EXOC4: variants seen among roughly 807,000 people sequenced by gnomAD.
The protein encoded by EXOC4 is exocyst complex component 4.
Under a neutral mutation model 107.2 loss-of-function variants are expected in EXOC4, and 71 were observed. That is an observed-to-expected ratio of 0.66 (90% confidence interval 0.55 to 0.81). The LOEUF is 0.81. EXOC4 is among the 30% of genes least tolerant of loss of function. The pLI, the probability that EXOC4 is intolerant of heterozygous loss-of-function variation, is 0.00. For synonymous variants in EXOC4, 456 were observed against 441.2 expected, an observed-to-expected ratio of 1.03 and a Z score of -0.42; for missense variants, 1,108 against 1,189.6, an observed-to-expected ratio of 0.93 and a Z score of 1.01.
intron 7 of EXOC4, among the ~76,000 whole-genome samples, chr7:133,384,686 G>A (rs1467217162): frequency 1.3e-5 from 2 of 150,340 alleles, no homozygotes; most frequent in South Asian, 2.1e-4. Flanking sequence ...TTAGAGCAAA[G>A]GTAATTACAT....
chr7:133,870,481 A>G (rs894294659), intron 11 of EXOC4, among the ~76,000 whole-genome samples: 1 of 152,208 alleles, frequency 6.6e-6, no homozygotes, highest in Admixed American at 6.5e-5. Context: ...AATTTTTCTC[A>G]GTGCTACATC....
At chr7:133,999,604 A>AT (rs1794483781) in intron 15 of EXOC4, among the ~76,000 whole-genome samples, 1 of 152,194 alleles carries the variant, frequency 6.6e-6, no homozygotes, top group Admixed American at 6.5e-5. Context: ...ATGAACAAAT[A>AT]TTTGCAATAG....
At chr7:133,288,900 G>T in intron 2 of EXOC4, 22 bp from the exon 3 acceptor site, 1 of 1,610,964 alleles carries the variant, frequency 6.2e-7, no homozygotes, top group South Asian at 1.1e-5. Flanking sequence ...ACTGACCCAA[G>T]ACCGAATCTG....
chr7:133,275,044 C>G lies in EXOC4; in HGVS notation c.149C>G (p.Ala50Gly). 6.2e-7 allele frequency: 1 copy of G among 1,613,752 alleles called. No individual in the cohort carries two copies. The highest frequency in any genetic ancestry group is 8.5e-7 in the Non-Finnish European group (1 of 1,179,728). The change falls in exon 2 of 18, where the codon GCC becomes GGC. Residue 50 changes from alanine to glycine, a missense_variant. Ala to Gly is a moderately conservative substitution (Grantham distance 60). Transcript: ENST00000253861. ...RENEKGRLEE[A>G]YEKCDRDLDE... ...AATGAAAAGGGTCGCCTTGAAGAAGCCTACGAGAAATGTGACCGTGACCTG... is the reference window on the plus strand; with the variant it reads ...AATGAAAAGGGTCGCCTTGAAGAAGGCTACGAGAAATGTGACCGTGACCTG...
intron 10 of EXOC4, among the ~76,000 whole-genome samples, chr7:133,639,794 C>T (rs1439605268): frequency 6.6e-6 from 1 of 151,904 alleles, no homozygotes; most frequent in East Asian, 1.9e-4. Flanking sequence ...GTAATTTTGA[C>T]AATTGCTATT....
At chr7:133,381,140 G>T (rs1796610963) in intron 7 of EXOC4, among the ~76,000 whole-genome samples, 1 of 151,940 alleles carries the variant, frequency 6.6e-6, no homozygotes, top group African/African-American at 2.4e-5. Flanking sequence ...TGAATAAGAG[G>T]TTCATATAAA....
intron 9 of EXOC4, among the ~76,000 whole-genome samples, chr7:133,608,546 C>CTTT (rs1161155238): frequency 0.016 from 1,373 of 84,956 alleles, 23 homozygotes; most frequent in East Asian, 0.025. Flanking sequence ...TGCTGTATTT[C>CTTT]TTTTTTTTTT....
intron 4 of EXOC4, among the ~76,000 whole-genome samples, chr7:133,307,374 G>C (rs570773667): frequency 7.4e-4 from 113 of 152,276 alleles, no homozygotes; most frequent in African/African-American, 2.5e-3. Context: ...TAGGGGAAGT[G>C]CTAAGGCATT....
chr7:133,739,979 G>A (rs1051703736), intron 10 of EXOC4, among the ~76,000 whole-genome samples: 1 of 152,028 alleles, frequency 6.6e-6, no homozygotes, highest in Non-Finnish European at 1.5e-5. Context: ...TAAGGGTAAA[G>A]GATTCTAATG....
At chr7:133,823,585 C>T (rs925841555) in intron 11 of EXOC4, among the ~76,000 whole-genome samples, 8 of 151,296 alleles carry the variant, frequency 5.3e-5, no homozygotes, top group African/African-American at 1.9e-4. Flanking sequence ...GAGGCCGAGG[C>T]GGATGGATCA....
intron 9 of EXOC4, among the ~76,000 whole-genome samples, chr7:133,526,427 C>T (rs892894357): frequency 6.6e-6 from 1 of 152,090 alleles, no homozygotes; most frequent in African/African-American, 2.4e-5. Context: ...ATCAAATTGG[C>T]TTGCAGAGAA....
At position 133,818,444 on chromosome 7, in the gene EXOC4, C is replaced by G. The variant is rs140864459; in HGVS notation, c.1734+900C>G. 1.7e-3 allele frequency among the ~76,000 whole-genome samples: 264 copies of G among 152,254 alleles called. 2 individuals are homozygous for G. The highest frequency in any genetic ancestry group is 5.9e-3 in the African/African-American group (247 of 41,554). ...CCCTTACCTGCCTTTACATATGTTT[C>G]CCTTGATTTTTCTTTGTATGTTAGA... On this transcript the variant is annotated intron_variant, in intron 11 of 17. Transcript: ENST00000253861.
chr7:133,987,124 A>G (rs1441721293), intron 14 of EXOC4, among the ~76,000 whole-genome samples: 1 of 152,152 alleles, frequency 6.6e-6, no homozygotes, highest in East Asian at 1.9e-4. Context: ...TTAGGAAGGT[A>G]CTATTAATAG....
At chr7:133,755,446 C>T (rs1054938171) in intron 10 of EXOC4, among the ~76,000 whole-genome samples, 4 of 147,096 alleles carry the variant, frequency 2.7e-5, no homozygotes, top group Non-Finnish European at 4.5e-5. Context: ...TGGGTTCAAG[C>T]GATTCTCCTG....
downstream of EXOC4, among the ~76,000 whole-genome samples, chr7:134,069,351 T>TCCTC (rs1563112448): frequency 2.2e-5 from 3 of 133,426 alleles, no homozygotes; most frequent in Non-Finnish European, 4.7e-5. Flanking sequence ...TCCTCCTCCT[T>TCCTC]CTCCTTCTTC....
intron 17 of EXOC4, among the ~76,000 whole-genome samples, chr7:134,029,780 C>A (rs9641962): frequency 0.14 from 21,200 of 152,140 alleles, 1,981 homozygotes; most frequent in East Asian, 0.42. Context: ...GTCAGCCTCC[C>A]AAAGGGTTGG....
rs115182595 is a variant in EXOC4 at position 133,580,354 on chromosome 7, C to T, written c.1418-49691C>T. On this transcript the variant is annotated intron_variant, in intron 9 of 17. Coordinates refer to ENST00000253861, the MANE Select transcript of EXOC4 (RefSeq NM_021807.4). ...CCCTGCTTTTAATTCTTTTGGATAT[C>T]TACTCAGAAGTGGAATTGTTGGATC... Among the ~76,000 whole-genome samples the T allele has an allele frequency of 5.8e-3, 878 of 152,236 alleles. 8 individuals are homozygous for T. Among genetic ancestry groups the T allele is most frequent in the African/African-American group, 0.02 (837 of 41,534 alleles).
At chr7:133,734,616 T>A (rs1368542602) in intron 10 of EXOC4, among the ~76,000 whole-genome samples, 2 of 152,098 alleles carry the variant, frequency 1.3e-5, no homozygotes, top group African/African-American at 2.4e-5. Flanking sequence ...TCTCCCTGAT[T>A]TTGAATTAGA....
intron 9 of EXOC4, among the ~76,000 whole-genome samples, chr7:133,556,137 T>C (rs930163570): frequency 6.6e-6 from 1 of 152,206 alleles, no homozygotes; most frequent in African/African-American, 2.4e-5. Context: ...ACGTCCTAGC[T>C]CTCTAATTCT....
Sources: gnomAD v4.1 joint callset for allele counts (sites outside exome capture counted in the v4.1 genomes callset) on GRCh38, gnomAD v4.1.1 for gene constraint, MANE v1.5 for transcripts, NCBI Gene and HGNC (gene_info 2026-07-23, HGNC 2026-07-21) for gene names.